Variants in MAP3K12 observed in about 807,000 individuals in gnomAD.
MAP3K12 encodes mitogen-activated protein kinase kinase kinase 12, also known as MAPK-upstream kinase.
In MAP3K12, 14 loss-of-function variants were observed where a neutral mutation model predicts 87.5. That is an observed-to-expected ratio of 0.16 (90% CI 0.11 to 0.25). The LOEUF is 0.25. Among genes scored for constraint, MAP3K12 ranks in the 10% least tolerant of loss-of-function variants. MAP3K12 has a pLI of 1.00. For missense variants in MAP3K12, 802 were observed against 1,140.4 expected, an observed-to-expected ratio of 0.70 and a Z score of 4.27; for synonymous variants, 469 against 452.5, an observed-to-expected ratio of 1.04 and a Z score of -0.46.
intron 13 of MAP3K12, chr12:53,481,738 T>C: frequency 1.7e-6 from 1 of 590,768 alleles, no homozygotes; most frequent in Non-Finnish European, 2.9e-6. Context: ...CTGGCTGCAA[T>C]TTATAGCTAC....
chr12:53,501,265 C>A, upstream of MAP3K12: 1 of 804,100 alleles, frequency 1.2e-6, no homozygotes, highest in Non-Finnish European at 2.0e-6. Context: ...GTAGGGTGGG[C>A]GGGGGACTCC....
intron 4 of MAP3K12, 138 bp downstream of exon 4, chr12:53,485,918 A>C: frequency 1.3e-6 from 1 of 752,094 alleles, no homozygotes; most frequent in Non-Finnish European, 2.1e-6. Flanking sequence ...AGCCCTTCTG[A>C]GATGGGACTG....
chr12:53,482,970 C>T lies in MAP3K12; in HGVS notation c.1833G>A (p.Gly611=). The change falls in exon 11 of 14, where the codon GGG becomes GGA. Residue 611 remains glycine, a synonymous_variant. Coordinates refer to ENST00000547488, the MANE Select transcript of MAP3K12 (RefSeq NM_001193511.2). ...PHEPGGPGSP[G]GLGGGPSAWE... The stretch of plus-strand genomic sequence containing the variant: ...AGGCTGAGGGTCCCCCTCCTAGGCC[C>T]CCTGGGCTTCCTGGTCCTCCAGGTT... 2 of 1,585,362 alleles carry T rather than the reference C, an allele frequency of 1.3e-6. No individual in the cohort carries two copies. The highest frequency in any genetic ancestry group is 1.1e-5 in the South Asian group (1 of 88,320).
intron 6 of MAP3K12, chr12:53,484,815 C>A: frequency 1.8e-6 from 1 of 566,418 alleles, no homozygotes; most frequent in Non-Finnish European, 3.1e-6. Context: ...CTCACTGGCA[C>A]TTCATGACAA....
At chr12:53,483,283 C>T (rs1943129737) in intron 10 of MAP3K12, 66 bp downstream of exon 10, 4 of 1,585,724 alleles carry the variant, frequency 2.5e-6, no homozygotes, top group Non-Finnish European at 8.6e-7. Flanking sequence ...CATCTCCCTG[C>T]TAATATACCT....
chr12:53,483,053 T>C lies in MAP3K12; in HGVS notation c.1750A>G (p.Ser584Gly). The C allele has an allele frequency of 1.3e-6, 2 of 1,550,216 alleles. No individual in the cohort carries two copies. The highest frequency in any genetic ancestry group is 2.0e-5 in the Admixed American group (1 of 49,256). ...RRGKTRHRKASAKGSCGDLPG... is the reference protein window; with the variant it reads ...RRGKTRHRKAGAKGSCGDLPG... ...AGGTCCCCACAGCTCCCCTTGGCGC[T>C]GGCCTTGCGGTGACGGGTCTTGCCA... The change falls in exon 11 of 14, where the codon AGC becomes GGC. Residue 584 changes from serine to glycine, a missense_variant. Around this residue, in one of 5 missense-constraint regions of MAP3K12, gnomAD observed 490 missense variants for 496.6 expected, o/e 0.99. Coordinates refer to ENST00000547488, the MANE Select transcript of MAP3K12 (RefSeq NM_001193511.2).
rs759387701 is a variant in MAP3K12, at chr12:53,485,489, T to C, written c.822-14A>G. On this transcript the variant is annotated splice_polypyrimidine_tract_variant and intron_variant, in intron 4 of 13. Transcript: ENST00000547488. ...GTGATTAGCATGCTGGTAAAGAGTGTAGTCAGCTGGGGTCCACACCCCTCC... is the reference window on the plus strand; with the variant it reads ...GTGATTAGCATGCTGGTAAAGAGTGCAGTCAGCTGGGGTCCACACCCCTCC... 5.6e-6 allele frequency: 9 copies of C among 1,611,680 alleles called. No individual in the cohort carries two copies. Among genetic ancestry groups the C allele is most frequent in the Non-Finnish European group, 7.6e-6 (9 of 1,178,682 alleles).
chr12:53,499,624 C>T (rs1385090145), upstream of MAP3K12: 1 of 151,508 alleles, frequency 6.6e-6, no homozygotes, highest in Non-Finnish European at 1.5e-5. Context: ...CTGCCCCCAC[C>T]CCCCGACCCC....
chr12:53,491,676 G>A (rs1001265723), intron 1 of MAP3K12, among the ~76,000 whole-genome samples: 2 of 151,462 alleles, frequency 1.3e-5, no homozygotes, highest in African/African-American at 4.8e-5. Context: ...CTCATGATCC[G>A]CCCATCTCGG....
intron 6 of MAP3K12, 28 bp downstream of exon 6, chr12:53,485,028 C>T: frequency 6.2e-7 from 1 of 1,613,856 alleles, no homozygotes; most frequent in South Asian, 1.1e-5. Flanking sequence ...TTCTCCAGGC[C>T]CAGTATCCCA....
chr12:53,481,625 G>C lies in MAP3K12; in HGVS notation c.2580+316C>G, dbSNP rs1169502430. The stretch of plus-strand genomic sequence containing the variant: ...GGCCTCCCAAAGTTCTGGGATTCCA[G>C]GCGTGAGTCACCATGCCCAGCCAGC... On this transcript the variant is annotated intron_variant, in intron 13 of 13. Transcript: ENST00000547488. The C allele has an allele frequency of 1.1e-5, 4 of 349,016 alleles. No homozygotes were observed. The South Asian group carries it at 1.6e-4, about 14-fold the overall frequency. The allele number at this position is 349,016 out of a possible 1,614,324, so 21.6% of individuals were successfully genotyped here.
Position 53,481,168 on chromosome 12 carries a change from A to C in MAP3K12, c.*14T>G, listed in dbSNP as rs1211453365. On this transcript the variant is annotated 3_prime_UTR_variant, in exon 14 of 14. Coordinates refer to ENST00000547488, the MANE Select transcript of MAP3K12 (RefSeq NM_001193511.2). Reference sequence around the variant, plus strand: ...TATAAATATTTCTCTATGTACAAGGAATACGAGTGGCTTTCATGGAGGGAG... The same window carrying C: ...TATAAATATTTCTCTATGTACAAGGCATACGAGTGGCTTTCATGGAGGGAG... 1 of 1,435,142 alleles carries C rather than the reference A, an allele frequency of 7.0e-7. No homozygotes were observed. The highest frequency in any genetic ancestry group is 9.3e-7 in the Non-Finnish European group (1 of 1,072,828). 88.9% of individuals were successfully genotyped at this position (1,435,142 alleles called of 1,614,324 possible).
chr12:53,482,472 G>T, intron 11 of MAP3K12, 93 bp downstream of exon 11: 1 of 1,605,616 alleles, frequency 6.2e-7, no homozygotes, highest in Non-Finnish European at 8.5e-7. Flanking sequence ...GTAGGGAATG[G>T]CTTAAAATTG....
Position 53,486,193 on chromosome 12 carries a change from C to T in MAP3K12, c.684G>A (p.Gln228=). The T allele has an allele frequency of 6.2e-7, 1 of 1,613,800 alleles. No homozygotes were observed. Among genetic ancestry groups the T allele is most frequent in the Admixed American group, 1.7e-5 (1 of 59,962 alleles). The change falls in exon 4 of 14, where the codon CAG becomes CAA. Residue 228 remains glutamine, a synonymous_variant. Coordinates refer to ENST00000547488, the MANE Select transcript of MAP3K12 (RefSeq NM_001193511.2). This position sits in a 1 kb window ranked among gnomAD's most constrained non-coding sequence, Gnocchi z 4.9. ...CCCGCAGTACCTCATACAGCTGGCC[C>T]TGGGCGCAGAACTCCATGAGGATGC... The part of the protein sequence containing the change: ...CYCILMEFCA[Q]GQLYEVLRAG...
Position 53,495,339 on chromosome 12 carries a change from CAAAAAAAAAAAAAA to C in MAP3K12, c.-38+4074_-38+4087del, listed in dbSNP as rs10647631. On this transcript the variant is annotated intron_variant, in intron 1 of 13. Transcript: ENST00000547488. ...AGGCGACAGAGCAATACTCTGTCTC[CAAAAAAAAAAAAAA>C]AAAAAAAAAAAAAAGGCCAGGCGCA... Among the ~76,000 whole-genome samples, 4 of 19,352 alleles carry C rather than the reference CAAAAAAAAAAAAAA, an allele frequency of 2.1e-4. 1 individual carries two copies. The highest frequency in any genetic ancestry group is 1.5e-4 in the Non-Finnish European group (2 of 13,310). 12.7% of individuals were successfully genotyped at this position (19,352 alleles called of 152,430 possible). A position where few individuals can be genotyped will look rare whatever the true frequency, so the allele number is the denominator to read the frequency against.
rs746841908 is a variant in MAP3K12 at position 53,481,221 on chromosome 12, G to A, written c.2640C>T (p.Ser880=). The change falls in exon 14 of 14, where the codon AGC becomes AGT. Residue 880 remains serine, a synonymous_variant. Transcript: ENST00000547488. ...CDSTELDNSN[S]VDALRPPASL... is the part of the protein sequence containing the mutation. ...AAGCTGGGGGCCGCAAGGCATCAAC[G>A]CTGTTGGAGTTGTCCAATTCAGTGC... 2.6e-6 allele frequency: 4 copies of A among 1,552,032 alleles called. No individual in the cohort carries two copies. Among genetic ancestry groups the A allele is most frequent in the African/African-American group, 1.4e-5 (1 of 71,790 alleles).
At chr12:53,495,051 A>T (rs1373924784) in intron 1 of MAP3K12, among the ~76,000 whole-genome samples, 6 of 151,876 alleles carry the variant, frequency 4.0e-5, no homozygotes, top group African/African-American at 1.2e-4. Flanking sequence ...AGACTAAATT[A>T]AAAAAAGGCC....
chr12:53,485,267 C>T, intron 5 of MAP3K12, 50 bp downstream of exon 5: 1 of 1,599,758 alleles, frequency 6.3e-7, no homozygotes, highest in Non-Finnish European at 8.5e-7. Context: ...TGCCCACAAT[C>T]CCCCCAGGGC....
At chr12:53,487,801 A>T (rs1943273044) in intron 1 of MAP3K12, 1 of 174,110 alleles carries the variant, frequency 5.7e-6, no homozygotes, top group African/African-American at 2.4e-5. Context: ...GCTGCAGCAC[A>T]TTTTTTTCAC....
Sources: gnomAD v4.1 joint callset for allele counts (sites outside exome capture counted in the v4.1 genomes callset) on GRCh38, gnomAD v4.1.1 for gene constraint, gnomAD v4.1.1 regional missense constraint, Gnocchi (gnomAD v3.1) non-coding constraint, MANE v1.5 for transcripts, NCBI Gene and HGNC (gene_info 2026-07-23, HGNC 2026-07-21) for gene names.